The following CD38 variants were observed in gnomAD, a reference collection of about 807,000 sequenced individuals.
The protein encoded by CD38 is ADP-ribosyl cyclase/cyclic ADP-ribose hydrolase 1.
Under a neutral mutation model 36.3 loss-of-function variants are expected in CD38, and 31 were observed. The observed-to-expected ratio is 0.85, with a 90% CI of 0.64 to 1.15. The LOEUF (loss-of-function observed/expected upper bound fraction) is 1.15, where lower values mean the gene tolerates loss of function less well. Among genes scored for constraint, CD38 ranks in the 50% most tolerant of loss-of-function variants. The probability of loss-of-function intolerance (pLI) is 0.00; values close to 1 mark genes in which losing one functional copy is unlikely to be tolerated. For missense variants in CD38, 380 were observed against 371.9 expected (o/e 1.02, Z -0.18); for synonymous variants, 131 against 135.2 (o/e 0.97, Z 0.22).
chr4:15,834,133 A>T (rs1248957579), intron 3 of CD38, 84 bp from the exon 4 acceptor site: 76 of 884,148 alleles, frequency 8.6e-5, no homozygotes, highest in Non-Finnish European at 9.5e-5. Flanking sequence ...AAATGGTTCC[A>T]CTATGACTGA....
intron 2 of CD38, among the ~76,000 whole-genome samples, chr4:15,817,250 A>G (rs1290980330): frequency 6.6e-6 from 1 of 152,246 alleles, no homozygotes; most frequent in Non-Finnish European, 1.5e-5. Context: ...CTGGAGCCAC[A>G]GAGGCCTGGA....
chr4:15,779,431 T>A (rs1275548451), intron 1 of CD38, among the ~76,000 whole-genome samples: 1 of 152,200 alleles, frequency 6.6e-6, no homozygotes, highest in Non-Finnish European at 1.5e-5. Context: ...CAACCACTTT[T>A]TGGATTTGAT....
chr4:15,838,393 C>G (rs886806737), intron 5 of CD38, among the ~76,000 whole-genome samples: 1 of 152,178 alleles, frequency 6.6e-6, no homozygotes, highest in Non-Finnish European at 1.5e-5. Flanking sequence ...GGCCACTGCA[C>G]TGTATCTAGC....
At chr4:15,790,734 C>G (rs534553825) in intron 1 of CD38, among the ~76,000 whole-genome samples, 122 of 149,592 alleles carry the variant, frequency 8.2e-4, no homozygotes, top group African/African-American at 3.0e-3. Context: ...AGGCGAGGAG[C>G]GCCTCTTCCC....
chr4:15,842,182 A>G (rs954278771), intron 7 of CD38, among the ~76,000 whole-genome samples: 2 of 102,244 alleles, frequency 2.0e-5, no homozygotes, highest in African/African-American at 4.9e-5. Flanking sequence ...TGAAGAGAGC[A>G]GTGGTTCTCC....
At chr4:15,800,105 C>T (rs1018106288) in intron 1 of CD38, among the ~76,000 whole-genome samples, 14 of 152,128 alleles carry the variant, frequency 9.2e-5, no homozygotes, top group African/African-American at 3.4e-4. Context: ...AACACAAAAG[C>T]AGTCCAAGCC....
At position 15,816,588 on chromosome 4, in the gene CD38, A is replaced by G; in HGVS notation, c.311A>G (p.Glu104Gly). The change falls in exon 2 of 8, where the codon GAA becomes GGA. Residue 104 changes from glutamate (E) to glycine (G), a missense_variant. Transcript: ENST00000226279. ...AAACATCCTTGCAACATTACTGAAG[A>G]AGACTATCAGCCACTAATGAAGTTG... ...ISKHPCNITE[E>G]DYQPLMKLGT... is the part of the protein sequence containing the mutation. 27 of 1,613,940 alleles carry G rather than the reference A, an allele frequency of 1.7e-5. No individual in the cohort carries two copies. Among genetic ancestry groups the G allele is most frequent in the Non-Finnish European group, 2.3e-5 (27 of 1,179,822 alleles).
chr4:15,800,762 C>A (rs1004291456), intron 1 of CD38, among the ~76,000 whole-genome samples: 1 of 151,950 alleles, frequency 6.6e-6, no homozygotes, highest in Non-Finnish European at 1.5e-5. Flanking sequence ...AATTGATACA[C>A]AACATACCAA....
At chr4:15,797,372 G>C (rs1577639694) in intron 1 of CD38, among the ~76,000 whole-genome samples, 2 of 152,040 alleles carry the variant, frequency 1.3e-5, no homozygotes, top group South Asian at 4.1e-4. Context: ...TTATCTACTT[G>C]TTAATTAGTC....
rs1724396382 is a variant in CD38, at chr4:15,851,996, T to G, written c.*3394T>G. 1.3e-5 allele frequency: 2 copies of G among 152,236 alleles called. No homozygotes were observed. The highest frequency in any genetic ancestry group is 2.9e-5 in the Non-Finnish European group (2 of 68,044). The allele number at this position is 152,236 out of a possible 1,614,324, so 9.4% of individuals were successfully genotyped here. ...GAAAAGGTACAGTAAACATGCAGTATTATAATCTTATGAGACCGTCATCAT... is the reference window on the plus strand; with the variant it reads ...GAAAAGGTACAGTAAACATGCAGTAGTATAATCTTATGAGACCGTCATCAT... On this transcript the variant is annotated 3_prime_UTR_variant, in exon 8 of 8. Coordinates refer to ENST00000226279, the MANE Select transcript of CD38 (RefSeq NM_001775.4).
chr4:15,821,891 GA>G (rs796296219), intron 2 of CD38, among the ~76,000 whole-genome samples: 10 of 148,976 alleles, frequency 6.7e-5, no homozygotes, highest in African/African-American at 1.7e-4. Context: ...AAAAAAGAAA[GA>G]AAGAAAACTT....
At chr4:15,779,586 A>G (rs1722646089) in intron 1 of CD38, among the ~76,000 whole-genome samples, 1 of 152,186 alleles carries the variant, frequency 6.6e-6, no homozygotes, top group Non-Finnish European at 1.5e-5. Flanking sequence ...AAACGAGCAA[A>G]TAGACCTCCC....
chr4:15,837,662 T>G (rs1157674018), intron 4 of CD38, among the ~76,000 whole-genome samples: 1 of 152,210 alleles, frequency 6.6e-6, no homozygotes, highest in East Asian at 1.9e-4. Flanking sequence ...GGTCCCCTGT[T>G]CTCTCCTCAG....
At chr4:15,814,710 T>C (rs1273689229) in intron 1 of CD38, among the ~76,000 whole-genome samples, 1 of 152,324 alleles carries the variant, frequency 6.6e-6, no homozygotes, top group African/African-American at 2.4e-5. Context: ...CCTTTCTCCA[T>C]TGCTTGCTTT....
At chr4:15,806,943 C>G (rs1056569301) in intron 1 of CD38, among the ~76,000 whole-genome samples, 1 of 152,192 alleles carries the variant, frequency 6.6e-6, no homozygotes, top group South Asian at 2.1e-4. Context: ...AGCATAAACA[C>G]TGATTATGGC....
At chr4:15,818,929 A>T (rs1723670954) in intron 2 of CD38, among the ~76,000 whole-genome samples, 1 of 152,252 alleles carries the variant, frequency 6.6e-6, no homozygotes, top group African/African-American at 2.4e-5. Flanking sequence ...CTGAAAACTC[A>T]AAAAGCCAGT....
At position 15,849,062 on chromosome 4, in the gene CD38, C is replaced by G. The variant is rs1130169; in HGVS notation, c.*460C>G. 1 of 153,584 alleles carries G rather than the reference C, an allele frequency of 6.5e-6. No homozygotes were observed. Among genetic ancestry groups the G allele is most frequent in the Non-Finnish European group, 1.4e-5 (1 of 68,978 alleles). The allele number at this position is 153,584 out of a possible 1,614,324, so 9.5% of individuals were successfully genotyped here. A position where few individuals can be genotyped will look rare whatever the true frequency, so the allele number is the denominator to read the frequency against. On this transcript the variant is annotated 3_prime_UTR_variant, in exon 8 of 8. Coordinates refer to ENST00000226279, the MANE Select transcript of CD38 (RefSeq NM_001775.4). The stretch of plus-strand genomic sequence containing the variant: ...GTACCCTTCCTACAGATAGTCAAAC[C>G]ATAAACTTCATGGTCATGGGTCATG...
chr4:15,795,889 G>A (rs1221358389), intron 1 of CD38, among the ~76,000 whole-genome samples: 1 of 151,998 alleles, frequency 6.6e-6, no homozygotes, highest in African/African-American at 2.4e-5. Context: ...ATTTTTCTCT[G>A]GCCATGATCC....
At chr4:15,827,026 C>T (rs975581147) in intron 3 of CD38, among the ~76,000 whole-genome samples, 6 of 152,022 alleles carry the variant, frequency 3.9e-5, no homozygotes, top group Non-Finnish European at 7.4e-5. Flanking sequence ...ATAAGAGCTA[C>T]GATGTATTAA....
Sources: allele counts gnomAD v4.1 joint callset (sites outside exome capture counted in the v4.1 genomes callset), GRCh38; gene constraint gnomAD v4.1.1; transcripts MANE v1.5; gene names NCBI Gene and HGNC (gene_info 2026-07-23, HGNC 2026-07-21).